Variants in TBC1D19 observed in about 807,000 individuals in gnomAD.
The protein encoded by TBC1D19 is TBC1 domain family member 19.
A neutral mutation model predicts 89.0 loss-of-function variants in TBC1D19; 60 were observed. The ratio of observed to expected loss-of-function variants is 0.67; its 90% CI spans 0.55 to 0.84. The LOEUF is 0.84. Among genes scored for constraint, TBC1D19 ranks in the 40% least tolerant of loss-of-function variants. The pLI, the probability that TBC1D19 is intolerant of heterozygous loss-of-function variation, is 0.00. For synonymous variants in TBC1D19, 189 were observed against 199.7 expected (o/e 0.95, Z 0.45); for missense variants, 500 against 610.8 (o/e 0.82, Z 1.91).
At chr4:26,688,302 ATC>A in intron 12 of TBC1D19, 41 bp from the exon 13 acceptor site, 1 of 1,547,634 alleles carries the variant, frequency 6.5e-7, no homozygotes, top group Non-Finnish European at 8.7e-7. Flanking sequence ...CTACAGACAG[ATC>A]TGTTTGAGTT....
chr4:26,585,685 G>A (rs1739369365), intron 1 of TBC1D19, among the ~76,000 whole-genome samples: 2 of 151,886 alleles, frequency 1.3e-5, no homozygotes, highest in South Asian at 4.2e-4. Flanking sequence ...CCAGGTTCAA[G>A]TGATCCTCCC....
intron 7 of TBC1D19, among the ~76,000 whole-genome samples, chr4:26,655,232 A>AGT (rs1744708105): frequency 6.6e-6 from 1 of 152,160 alleles, no homozygotes; most frequent in Non-Finnish European, 1.5e-5. Context: ...TTCCTCTGGA[A>AGT]GTTTTGTCTC....
At chr4:26,656,829 G>A (rs538737910) in intron 7 of TBC1D19, among the ~76,000 whole-genome samples, 1 of 152,244 alleles carries the variant, frequency 6.6e-6, no homozygotes, top group East Asian at 1.9e-4. Flanking sequence ...AAAGTGCTGG[G>A]ATTACAGGCA....
chr4:26,789,109 G>A, the TBC1D19 span, among the ~76,000 whole-genome samples: 1 of 152,140 alleles, frequency 6.6e-6, no homozygotes, highest in Non-Finnish European at 1.5e-5. Flanking sequence ...TAATAACTTG[G>A]GTTTGAATCT....
chr4:26,834,820 C>T, the TBC1D19 span, among the ~76,000 whole-genome samples: 1 of 152,148 alleles, frequency 6.6e-6, no homozygotes, highest in Non-Finnish European at 1.5e-5. Flanking sequence ...GTTTTCAATT[C>T]CATCTATACT....
the TBC1D19 span, among the ~76,000 whole-genome samples, chr4:26,773,607 T>C: frequency 6.6e-6 from 1 of 152,206 alleles, no homozygotes; most frequent in Non-Finnish European, 1.5e-5. Flanking sequence ...GGGTTTTACA[T>C]TTAGGTCTTT....
At chr4:26,673,475 A>ACACAC (rs1560463426) in intron 10 of TBC1D19, among the ~76,000 whole-genome samples, 2 of 148,118 alleles carry the variant, frequency 1.4e-5, no homozygotes, top group Admixed American at 6.8e-5. Flanking sequence ...ACACACACAC[A>ACACAC]ATACTAGTTT....
At chr4:26,609,564 G>A (rs1177862172) in intron 1 of TBC1D19, among the ~76,000 whole-genome samples, 1 of 152,106 alleles carries the variant, frequency 6.6e-6, no homozygotes, top group Non-Finnish European at 1.5e-5. Context: ...AGTGAATATA[G>A]TTCACTGTGG....
At chr4:26,710,292 T>C (rs1716076347) in intron 13 of TBC1D19, among the ~76,000 whole-genome samples, 1 of 152,200 alleles carries the variant, frequency 6.6e-6, no homozygotes, top group Non-Finnish European at 1.5e-5. Flanking sequence ...TTTGGTTTTT[T>C]GTCCTTGTGA....
At chr4:26,799,840 A>G in the TBC1D19 span, among the ~76,000 whole-genome samples, 16 of 152,122 alleles carry the variant, frequency 1.1e-4, no homozygotes, top group African/African-American at 3.6e-4. Flanking sequence ...GCCCAACCGG[A>G]ATAAGATGCT....
chr4:26,696,174 C>G (rs1714759895), intron 13 of TBC1D19, among the ~76,000 whole-genome samples: 1 of 152,072 alleles, frequency 6.6e-6, no homozygotes, highest in Non-Finnish European at 1.5e-5. Flanking sequence ...ATCTACCAAG[C>G]AAATGGACAA....
chr4:26,680,582 G>A (rs1435431747), intron 11 of TBC1D19, among the ~76,000 whole-genome samples: 1 of 152,082 alleles, frequency 6.6e-6, no homozygotes, highest in Non-Finnish European at 1.5e-5. Context: ...GTATTAATAT[G>A]AGTTAAGTAA....
At chr4:26,798,997 C>A in the TBC1D19 span, among the ~76,000 whole-genome samples, 2 of 151,962 alleles carry the variant, frequency 1.3e-5, no homozygotes, top group African/African-American at 4.8e-5. Context: ...TGCCAGCTAA[C>A]AAACATGCAC....
At chr4:26,842,583 C>CCTTCCTCCCTCCCTTCCTTTCTTTCTTT in the TBC1D19 span, among the ~76,000 whole-genome samples, 1 of 70,538 alleles carries the variant, frequency 1.4e-5, no homozygotes, top group African/African-American at 5.3e-5. Flanking sequence ...TTCCTCCCTC[C>CCTTCCTCCCTCCCTTCCTTTCTTTCTTT]CTTTCTTTCT....
chr4:26,842,340 CTTTTTTT>C, the TBC1D19 span, among the ~76,000 whole-genome samples: 1 of 81,576 alleles, frequency 1.2e-5, no homozygotes, highest in Non-Finnish European at 2.3e-5. Flanking sequence ...CTTTTCTTTT[CTTTTTTT>C]TTTTTTTTTT....
chr4:26,599,016 CAAA>C (rs1047458504), intron 1 of TBC1D19, among the ~76,000 whole-genome samples: 1 of 151,760 alleles, frequency 6.6e-6, no homozygotes, highest in Non-Finnish European at 1.5e-5. Context: ...ACAAGAAACT[CAAA>C]AAAGTATTTG....
chr4:26,608,351 T>A (rs1741138197), intron 1 of TBC1D19, among the ~76,000 whole-genome samples: 1 of 152,200 alleles, frequency 6.6e-6, no homozygotes, highest in Non-Finnish European at 1.5e-5. Context: ...ATCACAACAT[T>A]AGCAAACAAG....
At chr4:26,820,630 A>C in the TBC1D19 span, among the ~76,000 whole-genome samples, 2,384 of 152,312 alleles carry the variant, frequency 0.016, 176 homozygotes, top group East Asian at 0.24. Flanking sequence ...ATCATGCTGA[A>C]ATGAATGTGG....
the TBC1D19 span, among the ~76,000 whole-genome samples, chr4:26,772,543 T>A: frequency 6.6e-6 from 1 of 152,108 alleles, no homozygotes; most frequent in Non-Finnish European, 1.5e-5. Flanking sequence ...CCATGGTGGT[T>A]TGCTGCACAG....
Sources: allele counts gnomAD v4.1 joint callset (sites outside exome capture counted in the v4.1 genomes callset), GRCh38; gene constraint gnomAD v4.1.1; transcripts MANE v1.5; gene names NCBI Gene and HGNC (gene_info 2026-07-23, HGNC 2026-07-21).